Variants in COL22A1 observed in about 807,000 individuals in gnomAD.
COL22A1 encodes the protein collagen type XXII alpha 1 chain.
A neutral mutation model predicts 248.9 loss-of-function variants in COL22A1; 221 were observed. That is an observed-to-expected ratio of 0.89 (90% confidence interval 0.80 to 0.99). The LOEUF is 0.99. Ranked by LOEUF, COL22A1 falls within the 50% of genes least tolerant of loss-of-function variation. COL22A1 has a pLI of 0.00. For synonymous variants in COL22A1, 891 were observed against 793.4 expected (o/e 1.12, Z -2.07); for missense variants, 2,240 against 2,179.0 (o/e 1.03, Z -0.56).
Position 138,720,886 on chromosome 8 carries a change from A to G in COL22A1, c.2302-94T>C, listed in dbSNP as rs1829820897. Reference sequence around the variant, plus strand: ...GGCACAGGTTGGAAGGAAGAGAACTACCTGCACTCGGGTGGTTTTGAACTG... The same window carrying G: ...GGCACAGGTTGGAAGGAAGAGAACTGCCTGCACTCGGGTGGTTTTGAACTG... On this transcript the variant is annotated intron_variant, in intron 26 of 64. Coordinates refer to ENST00000303045, the MANE Select transcript of COL22A1 (RefSeq NM_152888.3). The G allele has an allele frequency of 1.4e-5, 14 of 1,015,646 alleles. 1 individual carries two copies. The highest frequency in any genetic ancestry group is 4.6e-4 in the Middle Eastern group (2 of 4,358). 62.9% of individuals were successfully genotyped at this position (1,015,646 alleles called of 1,614,324 possible). A position where few individuals can be genotyped will look rare whatever the true frequency, so the allele number is the denominator to read the frequency against.
rs547614169 is a variant in COL22A1, at chr8:138,623,735, C to G, written c.3768G>C (p.Glu1256Asp). 13 of 1,611,142 alleles carry G rather than the reference C, an allele frequency of 8.1e-6. No individual in the cohort carries two copies. Among genetic ancestry groups the G allele is most frequent in the African/African-American group, 1.3e-5 (1 of 74,778 alleles). Residue 1256 changes from glutamate (E) to aspartate (D), a missense_variant, in exon 52 of 65, where the codon GAG becomes GAC. Physicochemically the swap from Glu to Asp is conservative, Grantham distance 45. Coordinates refer to ENST00000303045, the MANE Select transcript of COL22A1 (RefSeq NM_152888.3). ...TAGGAAGTTTAGAGTCCTTTACCGG[C>G]TCTCCAGGGGGACCCGGCTTTCCAT... ...GRDGKPGPPG[E>D]PGKAGEPGLP... is the part of the protein sequence containing the mutation.
At chr8:138,632,008 C>T (rs373372082) in intron 49 of COL22A1, among the ~76,000 whole-genome samples, 40 of 152,244 alleles carry the variant, frequency 2.6e-4, no homozygotes, top group African/African-American at 8.2e-4. Flanking sequence ...GTTGAACTGA[C>T]TGGGTTATGA....
Position 138,694,839 on chromosome 8 carries a change from A to C in COL22A1, c.2633T>G (p.Leu878Arg), listed in dbSNP as rs141657116. ...CAAGAGACTCACCGGTTCCCCAGGC[A>C]GGCCTGGATCGCCCTTCTCTCCTTT... is the stretch of plus-strand genomic sequence containing the variant. ...GPKGEKGDPG[L>R]PGEPGLQGRP... Residue 878 changes from leucine to arginine, a missense_variant, in exon 33 of 65, where the codon CTG (leucine) becomes CGG (arginine). Transcript: ENST00000303045. The C allele has an allele frequency of 1.2e-6, 2 of 1,613,934 alleles. No homozygotes were observed. Among genetic ancestry groups the C allele is most frequent in the Non-Finnish European group, 1.7e-6 (2 of 1,179,998 alleles).
At chr8:138,871,430 G>T (rs1198151591) in intron 3 of COL22A1, among the ~76,000 whole-genome samples, 5 of 152,156 alleles carry the variant, frequency 3.3e-5, no homozygotes, top group Non-Finnish European at 5.9e-5. Context: ...ATCAATCTTG[G>T]CTTGCACAGT....
At chr8:138,716,740 G>T in intron 28 of COL22A1, 85 bp downstream of exon 28, 1 of 991,976 alleles carries the variant, frequency 1.0e-6, no homozygotes, top group Non-Finnish European at 1.6e-6. Flanking sequence ...AATTCCTCTT[G>T]GCATCTAAAT....
intron 62 of COL22A1, among the ~76,000 whole-genome samples, chr8:138,595,043 C>T (rs1170432663): frequency 6.6e-6 from 1 of 152,136 alleles, no homozygotes; most frequent in Non-Finnish European, 1.5e-5. Flanking sequence ...GTTAGCCATG[C>T]AGTCATAGGT....
At chr8:138,656,954 G>A (rs1184585389) in intron 44 of COL22A1, among the ~76,000 whole-genome samples, 9 of 152,138 alleles carry the variant, frequency 5.9e-5, no homozygotes, top group African/African-American at 1.9e-4. Flanking sequence ...ATGGGCTTTC[G>A]GTGCCATCCT....
At chr8:138,840,765 T>C (rs767987638) in intron 4 of COL22A1, among the ~76,000 whole-genome samples, 3 of 152,008 alleles carry the variant, frequency 2.0e-5, no homozygotes, top group Admixed American at 6.6e-5. Context: ...ACCACCATAG[T>C]TGGCTGATTT....
At chr8:138,822,652 ACTT>A (rs1586828583) in intron 6 of COL22A1, among the ~76,000 whole-genome samples, 1 of 152,040 alleles carries the variant, frequency 6.6e-6, no homozygotes, top group African/African-American at 2.4e-5. Context: ...ACCTTTTAGG[ACTT>A]CTTCTCGGCT....
chr8:138,878,369 C>G (rs1439677654), intron 2 of COL22A1, 53 bp from the exon 3 acceptor site: 1 of 1,413,640 alleles, frequency 7.1e-7, no homozygotes, highest in Non-Finnish European at 9.5e-7. Flanking sequence ...GGAAAGGACA[C>G]TGTCCTGGGG....
intron 23 of COL22A1, among the ~76,000 whole-genome samples, chr8:138,729,666 G>A (rs1400377147): frequency 3.3e-5 from 5 of 152,202 alleles, no homozygotes; most frequent in African/African-American, 1.2e-4. Flanking sequence ...CAGGGGACGT[G>A]CTCACAAGTC....
chr8:138,727,255 C>G (rs1051011239), intron 23 of COL22A1, among the ~76,000 whole-genome samples: 4 of 152,146 alleles, frequency 2.6e-5, no homozygotes, highest in Admixed American at 1.3e-4. Context: ...CTGGATACCC[C>G]CTCCCCTCCC....
chr8:138,686,933 C>T (rs965697460), intron 37 of COL22A1, among the ~76,000 whole-genome samples: 5 of 152,110 alleles, frequency 3.3e-5, no homozygotes, highest in African/African-American at 1.2e-4. Flanking sequence ...ACCTGTATTA[C>T]ATAAGGTTTG....
intron 30 of COL22A1, 42 bp downstream of exon 30, chr8:138,715,640 T>A: frequency 7.4e-7 from 1 of 1,345,058 alleles, no homozygotes; most frequent in East Asian, 2.5e-5. Context: ...AAAACCCAAC[T>A]AATAATAATT....
chr8:138,602,853 A>G (rs1818142769), intron 59 of COL22A1, among the ~76,000 whole-genome samples: 1 of 152,072 alleles, frequency 6.6e-6, no homozygotes, highest in Non-Finnish European at 1.5e-5. Flanking sequence ...GCATTGACTA[A>G]TCCCTCTGGC....
intron 22 of COL22A1, among the ~76,000 whole-genome samples, chr8:138,749,112 A>G (rs989250823): frequency 6.7e-6 from 1 of 149,894 alleles, no homozygotes; most frequent in Non-Finnish European, 1.5e-5. Flanking sequence ...TGATTGTGAG[A>G]CCTCCCCAGA....
rs145298366 is a variant in COL22A1, at chr8:138,692,463, ATGTGTGTGTGTGTG to A, written c.2754+1169_2754+1182del. ...TGTGTGGAGGTGTGTGTGTGAGTGC[ATGTGTGTGTGTGTG>A]TGTGTGTGTGTGTGTGTGTGTGTGT... On this transcript the variant is annotated intron_variant, in intron 35 of 64. Transcript: ENST00000303045. Among the ~76,000 whole-genome samples the A allele has an allele frequency of 1.9e-3, 260 of 136,116 alleles. 1 individual carries two copies. Among genetic ancestry groups the A allele is most frequent in the African/African-American group, 6.1e-3 (213 of 35,012 alleles). The allele number at this position is 136,116 out of a possible 152,430, so 89.3% of individuals were successfully genotyped here.
chr8:138,833,549 T>C (rs6994373), intron 4 of COL22A1, among the ~76,000 whole-genome samples: 81,220 of 152,160 alleles, frequency 0.53, 22,596 homozygotes, highest in East Asian at 0.67. Flanking sequence ...CTTTCCTTCC[T>C]GCAGCCGTAT....
At chr8:138,743,194 G>A (rs1355060775) in intron 22 of COL22A1, among the ~76,000 whole-genome samples, 1 of 151,342 alleles carries the variant, frequency 6.6e-6, no homozygotes, top group Non-Finnish European at 1.5e-5. Flanking sequence ...AGTTGATGGT[G>A]ATGATGATGG....
Sources: gnomAD v4.1 joint callset for allele counts (sites outside exome capture counted in the v4.1 genomes callset) on GRCh38, gnomAD v4.1.1 for gene constraint, MANE v1.5 for transcripts, NCBI Gene and HGNC (gene_info 2026-07-23, HGNC 2026-07-21) for gene names.